PLCL1: variants seen among roughly 807,000 people sequenced by gnomAD.
PLCL1 encodes inactive phospholipase C-like protein 1.
A neutral mutation model predicts 84.4 loss-of-function variants in PLCL1; 41 were observed. The ratio of observed to expected loss-of-function variants is 0.49; its 90% confidence interval spans 0.38 to 0.63. The LOEUF (loss-of-function observed/expected upper bound fraction) is 0.63, where lower values mean the gene tolerates loss of function less well. PLCL1 is among the 30% of genes least tolerant of loss of function. The pLI, the probability that PLCL1 is intolerant of heterozygous loss-of-function variation, is 0.00. For synonymous variants in PLCL1, 490 were observed against 488.3 expected (o/e 1.00, Z -0.05); for missense variants, 1,206 against 1,367.8 (o/e 0.88, Z 1.87).
intron 1 of PLCL1, among the ~76,000 whole-genome samples, chr2:197,827,978 G>T (rs1287351143): frequency 6.6e-6 from 1 of 151,960 alleles, no homozygotes; most frequent in Non-Finnish European, 1.5e-5. Context: ...TATAAGACAT[G>T]AAATAAAATA....
chr2:198,116,840 C>T (rs574776870), intron 5 of PLCL1, among the ~76,000 whole-genome samples: 6 of 151,854 alleles, frequency 4.0e-5, no homozygotes, highest in South Asian at 2.1e-4. Flanking sequence ...TCTGCCAGGA[C>T]GAAGCTATGT....
intron 1 of PLCL1, among the ~76,000 whole-genome samples, chr2:197,980,106 T>G (rs1690071999): frequency 6.6e-6 from 1 of 152,138 alleles, no homozygotes; most frequent in African/African-American, 2.4e-5. Context: ...ACTCTGTGTG[T>G]GGGAATGCAG....
At chr2:197,870,973 G>A (rs1032877960) in intron 1 of PLCL1, among the ~76,000 whole-genome samples, 31 of 152,046 alleles carry the variant, frequency 2.0e-4, no homozygotes, top group Non-Finnish European at 4.0e-4. Flanking sequence ...CGGGAGAGGA[G>A]CTGTTTTTCT....
intron 1 of PLCL1, among the ~76,000 whole-genome samples, chr2:198,045,005 C>G (rs919716278): frequency 4.6e-5 from 7 of 152,148 alleles, no homozygotes; most frequent in Non-Finnish European, 1.0e-4. Flanking sequence ...CATCCAGTAA[C>G]TTTTTACTGA....
intron 1 of PLCL1, among the ~76,000 whole-genome samples, chr2:198,033,971 A>T (rs891178684): frequency 2.0e-5 from 3 of 151,944 alleles, no homozygotes; most frequent in African/African-American, 4.8e-5. Flanking sequence ...TTTTTATTTT[A>T]AAAAATTTGA....
intron 1 of PLCL1, among the ~76,000 whole-genome samples, chr2:197,835,455 C>T (rs1305978738): frequency 6.6e-6 from 1 of 152,178 alleles, no homozygotes; most frequent in African/African-American, 2.4e-5. Context: ...GCCAATTACT[C>T]CTCATATTCC....
chr2:198,121,259 A>G lies in PLCL1; in HGVS notation c.3105+17323A>G, dbSNP rs142711096. Among the ~76,000 whole-genome samples, 5 of 151,958 alleles carry G rather than the reference A, an allele frequency of 3.3e-5. No individual in the cohort carries two copies. In the South Asian group the frequency reaches 6.2e-4, roughly 19 times the overall value. Reference sequence around the variant, plus strand: ...GTTTGCAAATATTTTCTTCCATTCTATAGTTTGTCTCTTCACTTTTGGGTT... The same window carrying G: ...GTTTGCAAATATTTTCTTCCATTCTGTAGTTTGTCTCTTCACTTTTGGGTT... On this transcript the variant is annotated intron_variant, in intron 5 of 5. Transcript: ENST00000428675.
chr2:197,890,701 T>TATATATATATATATATATATATACAC lies in PLCL1; in HGVS notation c.240+85363_240+85364insTATATATATATATATATATATACACA, dbSNP rs11270566. ...TTTTTGCTATATATATATATATATATACACACACACATATACGTATATATG... is the reference window on the plus strand; with the variant it reads ...TTTTTGCTATATATATATATATATATATATATATATATATATATATATACACACACACACACATATACGTATATATG... On this transcript the variant is annotated intron_variant, in intron 1 of 5. Transcript: ENST00000428675. 7.8e-4 allele frequency among the ~76,000 whole-genome samples: 92 copies of TATATATATATATATATATATATACAC among 118,508 alleles called. 1 individual carries two copies. The highest frequency in any genetic ancestry group is 3.0e-3 in the African/African-American group (78 of 26,182). The allele number at this position is 118,508 out of a possible 152,430, so 77.7% of individuals were successfully genotyped here. A position where few individuals can be genotyped will look rare whatever the true frequency, so the allele number is the denominator to read the frequency against.
chr2:197,932,068 A>G (rs1474532931), intron 1 of PLCL1, among the ~76,000 whole-genome samples: 7 of 152,106 alleles, frequency 4.6e-5, no homozygotes, highest in African/African-American at 9.7e-5. Context: ...AAAACTGCCA[A>G]TTTCTCAGTT....
intron 5 of PLCL1, among the ~76,000 whole-genome samples, chr2:198,144,588 A>G (rs1265947682): frequency 6.6e-6 from 1 of 152,124 alleles, no homozygotes; most frequent in Non-Finnish European, 1.5e-5. Context: ...TCTTCAACAT[A>G]TTGTCTTTAA....
At chr2:197,880,127 C>T (rs79921925) in intron 1 of PLCL1, among the ~76,000 whole-genome samples, 3,121 of 152,218 alleles carry the variant, frequency 0.021, 47 homozygotes, top group Middle Eastern at 0.044. Flanking sequence ...ATAAAAGCTA[C>T]ATAAAATTAT....
At chr2:197,938,334 C>T (rs1184745604) in intron 1 of PLCL1, among the ~76,000 whole-genome samples, 1 of 152,176 alleles carries the variant, frequency 6.6e-6, no homozygotes, top group East Asian at 1.9e-4. Context: ...TAGTAACCTC[C>T]TCATTGCTCT....
intron 1 of PLCL1, among the ~76,000 whole-genome samples, chr2:197,923,524 G>A (rs1030370627): frequency 6.2e-4 from 91 of 146,254 alleles, no homozygotes; most frequent in Admixed American, 5.7e-3. Context: ...CAGATGGGGC[G>A]GCGGGGCAGA....
chr2:198,135,435 GAGCAGAGAGCAAGGGAATAAACA>G (rs1694233238), intron 5 of PLCL1, among the ~76,000 whole-genome samples: 2 of 152,324 alleles, frequency 1.3e-5, no homozygotes, highest in African/African-American at 4.8e-5. Flanking sequence ...GGGAAGGAAA[GAGCAGAGAGCAAGGGAATAAACA>G]AGCAGTGACT....
At chr2:198,097,279 G>T (rs1471572976) in intron 3 of PLCL1, among the ~76,000 whole-genome samples, 1 of 152,150 alleles carries the variant, frequency 6.6e-6, no homozygotes, top group Non-Finnish European at 1.5e-5. Context: ...AAAATTATCA[G>T]CATCTTGAGG....
chr2:197,915,732 C>G (rs1056863698), intron 1 of PLCL1, among the ~76,000 whole-genome samples: 3 of 152,114 alleles, frequency 2.0e-5, no homozygotes, highest in Admixed American at 6.5e-5. Flanking sequence ...CACCGATACC[C>G]TATTTGTGTG....
chr2:197,805,454 C>T lies in PLCL1; in HGVS notation c.240+115C>T, dbSNP rs907895066. The T allele has an allele frequency of 2.7e-5, 26 of 974,342 alleles. No homozygotes were observed. Among genetic ancestry groups the T allele is most frequent in the African/African-American group, 3.4e-5 (2 of 59,284 alleles). 60.4% of individuals were successfully genotyped at this position (974,342 alleles called of 1,614,324 possible). ...CGGGCTCAGCATTGTTTTCTCCCAC[C>T]TCCTTCAACGCCAAACCTTCCTTCC... is the stretch of plus-strand genomic sequence containing the variant. On this transcript the variant is annotated intron_variant, in intron 1 of 5. Coordinates refer to ENST00000428675, the MANE Select transcript of PLCL1 (RefSeq NM_006226.4). The surrounding 1 kb of genome is among the most constrained non-coding windows in gnomAD (Gnocchi z 4.0).
chr2:198,070,019 G>A lies in PLCL1; in HGVS notation c.241-13739G>A, dbSNP rs1251174467. 2.0e-5 allele frequency among the ~76,000 whole-genome samples: 3 copies of A among 152,088 alleles called. No individual in the cohort carries two copies. In the East Asian group the frequency reaches 5.8e-4, roughly 29 times the overall value. ...GTGTGTTGCGGGGCGGAATGCAAAG[G>A]CAAATTTGTAGTTACATATCTAGAC... On this transcript the variant is annotated intron_variant, in intron 1 of 5. Coordinates refer to ENST00000428675, the MANE Select transcript of PLCL1 (RefSeq NM_006226.4).
intron 1 of PLCL1, among the ~76,000 whole-genome samples, chr2:198,000,605 A>G (rs1323351847): frequency 6.6e-6 from 1 of 152,120 alleles, no homozygotes; most frequent in East Asian, 1.9e-4. Context: ...TTATACTTTG[A>G]AGAGATCAGT....
Sources: allele counts gnomAD v4.1 joint callset (sites outside exome capture counted in the v4.1 genomes callset), GRCh38; gene constraint gnomAD v4.1.1; non-coding constraint Gnocchi (gnomAD v3.1); transcripts MANE v1.5; gene names NCBI Gene and HGNC (gene_info 2026-07-23, HGNC 2026-07-21).